HTR1F: variants seen among roughly 807,000 people sequenced by gnomAD.
The protein encoded by HTR1F is 5-hydroxytryptamine receptor 1F, also known as 5-hydroxytryptamine (serotonin) receptor 1F, G protein-coupled.
A neutral mutation model predicts 24.0 loss-of-function variants in HTR1F; 17 were observed. The ratio of observed to expected loss-of-function variants is 0.71; its 90% CI spans 0.48 to 1.06. HTR1F has a LOEUF of 1.06. Ranked by LOEUF, HTR1F falls within the 50% of genes least tolerant of loss-of-function variation. The probability of loss-of-function intolerance (pLI) is 0.00; values close to 1 mark genes in which losing one functional copy is unlikely to be tolerated. For missense variants in HTR1F, 391 were observed against 427.8 expected (o/e 0.91, Z 0.76); for synonymous variants, 186 against 156.8 (o/e 1.19, Z -1.39).
intron 2 of HTR1F, among the ~76,000 whole-genome samples, chr3:87,831,346 A>C (rs1704574656): frequency 8.3e-6 from 1 of 120,298 alleles, no homozygotes; most frequent in Non-Finnish European, 1.8e-5. Context: ...TATTATTATT[A>C]TTATTATTAT....
chr3:87,974,044 G>A (rs924124435), intron 2 of HTR1F, among the ~76,000 whole-genome samples: 1 of 152,132 alleles, frequency 6.6e-6, no homozygotes, highest in African/African-American at 2.4e-5. Flanking sequence ...TTTGGTGTGA[G>A]AGACAACTCT....
At chr3:87,931,226 G>A (rs1704262426) in intron 2 of HTR1F, among the ~76,000 whole-genome samples, 1 of 151,656 alleles carries the variant, frequency 6.6e-6, no homozygotes, top group African/African-American at 2.4e-5. Flanking sequence ...AGTCCCCAGA[G>A]GGTGATGTTC....
At chr3:87,810,645 A>G (rs935909341) in intron 1 of HTR1F, among the ~76,000 whole-genome samples, 5 of 152,144 alleles carry the variant, frequency 3.3e-5, no homozygotes, top group Non-Finnish European at 7.4e-5. Flanking sequence ...CACTATTTCA[A>G]TGGAAATTCC....
At position 87,863,657 on chromosome 3, in the gene HTR1F, A is replaced by G. The variant is rs544822352; in HGVS notation, c.-43+41533A>G. 2.0e-5 allele frequency among the ~76,000 whole-genome samples: 3 copies of G among 152,170 alleles called. No individual in the cohort carries two copies. The South Asian group carries it at 6.2e-4, about 32-fold the overall frequency. The stretch of plus-strand genomic sequence containing the variant: ...ACTAACAGCCTTTTCAAGGAAATCA[A>G]TTTTTCTATAATGCTCCTTAAAATT... On this transcript the variant is annotated intron_variant, in intron 2 of 2. Transcript: ENST00000319595.
At chr3:87,920,461 G>C (rs1409415562) in intron 2 of HTR1F, among the ~76,000 whole-genome samples, 1 of 151,778 alleles carries the variant, frequency 6.6e-6, no homozygotes, top group African/African-American at 2.4e-5. Flanking sequence ...GAAAATTTAA[G>C]AAAAATATTC....
At chr3:87,839,004 TTTA>T (rs1704740854) in intron 2 of HTR1F, among the ~76,000 whole-genome samples, 1 of 143,904 alleles carries the variant, frequency 6.9e-6, no homozygotes, top group African/African-American at 2.6e-5. Context: ...TTTTTATTTA[TTTA>T]TTTTATTTTT....
At position 87,921,900 on chromosome 3, in the gene HTR1F, T is replaced by C. The variant is rs1287472653; in HGVS notation, c.-42-68808T>C. Among the ~76,000 whole-genome samples, 4 of 152,022 alleles carry C rather than the reference T, an allele frequency of 2.6e-5. No individual in the cohort carries two copies. In the South Asian group the frequency reaches 6.2e-4, roughly 24 times the overall value. On this transcript the variant is annotated intron_variant, in intron 2 of 2. Coordinates refer to ENST00000319595, the MANE Select transcript of HTR1F (RefSeq NM_001322209.2). ...TTGCCAACAGTGATATAATCCACTT[T>C]TTAATGAATTTTATTTATCCATTCA...
At chr3:87,963,347 G>C (rs1446837176) in intron 2 of HTR1F, among the ~76,000 whole-genome samples, 3 of 152,048 alleles carry the variant, frequency 2.0e-5, no homozygotes, top group Admixed American at 6.6e-5. Flanking sequence ...AGCAGTTCCT[G>C]CCACAACTAT....
chr3:87,858,467 CT>C (rs931225603), intron 2 of HTR1F, among the ~76,000 whole-genome samples: 1 of 152,088 alleles, frequency 6.6e-6, no homozygotes, highest in Admixed American at 6.6e-5. Context: ...ATCAGTTCAC[CT>C]TTTTCCTATC....
chr3:87,965,137 A>G (rs1162219529), intron 2 of HTR1F, among the ~76,000 whole-genome samples: 1 of 152,192 alleles, frequency 6.6e-6, no homozygotes, highest in Non-Finnish European at 1.5e-5. Context: ...AGAACAGACT[A>G]ATATACTGCC....
chr3:87,983,276 G>A (rs1705591998), intron 2 of HTR1F, among the ~76,000 whole-genome samples: 2 of 152,134 alleles, frequency 1.3e-5, no homozygotes. Flanking sequence ...TAAAAAAATA[G>A]GGAAAAGAAA....
At chr3:87,932,531 CT>C (rs1484182858) in intron 2 of HTR1F, among the ~76,000 whole-genome samples, 3 of 152,060 alleles carry the variant, frequency 2.0e-5, no homozygotes, top group African/African-American at 7.2e-5. Context: ...AATGTGGGCT[CT>C]TTTTTGGTTC....
At chr3:87,950,475 CCTT>C (rs1280846782) in intron 2 of HTR1F, among the ~76,000 whole-genome samples, 1 of 151,668 alleles carries the variant, frequency 6.6e-6, no homozygotes, top group Non-Finnish European at 1.5e-5. Context: ...CGTCTTGACT[CCTT>C]CTGGTCCTTC....
At chr3:87,877,597 C>T (rs1705699007) in intron 2 of HTR1F, among the ~76,000 whole-genome samples, 1 of 152,108 alleles carries the variant, frequency 6.6e-6, no homozygotes, top group Non-Finnish European at 1.5e-5. Flanking sequence ...GAAAAGGGCA[C>T]TGTTATTATT....
chr3:87,817,120 T>C lies in HTR1F; in HGVS notation c.-159-4888T>C, dbSNP rs1414177432. Among the ~76,000 whole-genome samples, 4 of 152,206 alleles carry C rather than the reference T, an allele frequency of 2.6e-5. No individual in the cohort carries two copies. The East Asian group carries it at 7.7e-4, about 29-fold the overall frequency. ...GTGCACACACAAGATATCCCACAAATAAAATGAAATGTTACTGGATTTCCT... is the reference window on the plus strand; with the variant it reads ...GTGCACACACAAGATATCCCACAAACAAAATGAAATGTTACTGGATTTCCT... On this transcript the variant is annotated intron_variant, in intron 1 of 2. Transcript: ENST00000319595.
chr3:87,961,336 C>G (rs1349627585), intron 2 of HTR1F, among the ~76,000 whole-genome samples: 1 of 151,954 alleles, frequency 6.6e-6, no homozygotes, highest in Non-Finnish European at 1.5e-5. Context: ...GACCCCATTC[C>G]GAGCCAACTC....
At chr3:87,873,191 G>A (rs1406289319) in intron 2 of HTR1F, among the ~76,000 whole-genome samples, 1 of 151,686 alleles carries the variant, frequency 6.6e-6, no homozygotes, top group Non-Finnish European at 1.5e-5. Flanking sequence ...AGGCCAAAAA[G>A]TGCCATTATC....
intron 2 of HTR1F, among the ~76,000 whole-genome samples, chr3:87,885,909 G>A (rs1705929388): frequency 6.6e-6 from 1 of 152,226 alleles, no homozygotes; most frequent in East Asian, 1.9e-4. Flanking sequence ...TCTACCAGAG[G>A]TATAAAGGGG....
chr3:87,840,973 A>C (rs1321495043), intron 2 of HTR1F, among the ~76,000 whole-genome samples: 3 of 151,982 alleles, frequency 2.0e-5, no homozygotes, highest in Non-Finnish European at 4.4e-5. Context: ...CAGTGGGTAC[A>C]AAGCTACTGT....
Sources: gnomAD v4.1 joint callset for allele counts (sites outside exome capture counted in the v4.1 genomes callset) on GRCh38, gnomAD v4.1.1 for gene constraint, MANE v1.5 for transcripts, NCBI Gene and HGNC (gene_info 2026-07-23, HGNC 2026-07-21) for gene names.